The following CTNNA3 variants were observed in gnomAD, a reference collection of about 807,000 sequenced individuals.
CTNNA3 encodes catenin alpha 3.
A neutral mutation model predicts 95.7 loss-of-function variants in CTNNA3; 76 were observed. The observed-to-expected ratio is 0.79, with a 90% CI of 0.66 to 0.96. The LOEUF (loss-of-function observed/expected upper bound fraction) is 0.96. Among genes scored for constraint, CTNNA3 ranks in the 40% least tolerant of loss-of-function variants. The pLI is 0.00. For synonymous variants in CTNNA3, 431 were observed against 374.4 expected, an observed-to-expected ratio of 1.15 and a Z score of -1.74; for missense variants, 1,191 against 1,089.8, an observed-to-expected ratio of 1.09 and a Z score of -1.31.
intron 11 of CTNNA3, among the ~76,000 whole-genome samples, chr10:66,489,483 A>G (rs1481259421): frequency 6.6e-6 from 1 of 152,126 alleles, no homozygotes; most frequent in African/African-American, 2.4e-5. Context: ...AGGGGAGGAA[A>G]TTTAACGCTT....
At chr10:67,726,203 C>A (rs1334942735) in intron 1 of CTNNA3, among the ~76,000 whole-genome samples, 2 of 86,376 alleles carry the variant, frequency 2.3e-5, no homozygotes, top group African/African-American at 4.9e-5. Context: ...TATAATATAT[C>A]ATATATTATA....
intron 1 of CTNNA3, among the ~76,000 whole-genome samples, chr10:67,739,268 C>T (rs564022692): frequency 1.3e-5 from 2 of 152,004 alleles, no homozygotes; most frequent in African/African-American, 2.4e-5. Context: ...AGAGTGGGGG[C>T]CAATATTCAA....
At chr10:66,796,926 C>A (rs1458288772) in intron 7 of CTNNA3, among the ~76,000 whole-genome samples, 1 of 151,962 alleles carries the variant, frequency 6.6e-6, no homozygotes, top group African/African-American at 2.4e-5. Flanking sequence ...ATGTTCTGAG[C>A]TGTGAAGGTT....
In CTNNA3 at chr10:66,013,436, A is replaced by T. The variant is rs2079041042; in HGVS notation, c.2160-24639T>A. ...ACTATGGCAAATTTTTAAATAGTGGATCTTAGAGCATGTGCATGATCTAGA... is the reference window on the plus strand; with the variant it reads ...ACTATGGCAAATTTTTAAATAGTGGTTCTTAGAGCATGTGCATGATCTAGA... On this transcript the variant is annotated intron_variant, in intron 15 of 17. Transcript: ENST00000433211. Among the ~76,000 whole-genome samples, 3 of 152,318 alleles carry T rather than the reference A, an allele frequency of 2.0e-5. No individual in the cohort carries two copies. The South Asian group carries it at 6.2e-4, about 32-fold the overall frequency.
chr10:66,825,726 C>A (rs1374823634), intron 7 of CTNNA3, among the ~76,000 whole-genome samples: 1 of 152,126 alleles, frequency 6.6e-6, no homozygotes, highest in Non-Finnish European at 1.5e-5. Context: ...TACAGGTCAT[C>A]AGAACACTGC....
chr10:67,536,978 A>C (rs1840506021), intron 4 of CTNNA3, among the ~76,000 whole-genome samples: 2 of 152,182 alleles, frequency 1.3e-5, no homozygotes, highest in South Asian at 4.1e-4. Flanking sequence ...ACTTTTCATG[A>C]GGATGAAACC....
At chr10:66,670,855 G>T (rs1846635036) in intron 9 of CTNNA3, among the ~76,000 whole-genome samples, 1 of 152,158 alleles carries the variant, frequency 6.6e-6, no homozygotes, top group Non-Finnish European at 1.5e-5. Context: ...TTGGCAGTTT[G>T]ATTTATATTT....
chr10:66,088,508 TG>T (rs2081075397), intron 14 of CTNNA3, among the ~76,000 whole-genome samples: 1 of 150,934 alleles, frequency 6.6e-6, no homozygotes, highest in African/African-American at 2.4e-5. Context: ...TGTGTGTGTG[TG>T]TGTGTGTGTG....
At chr10:67,208,316 T>A (rs186086239) in intron 6 of CTNNA3, among the ~76,000 whole-genome samples, 1 of 148,662 alleles carries the variant, frequency 6.7e-6, no homozygotes. Context: ...GAGGCAGAGG[T>A]TGCAGTGAGC....
chr10:66,629,183 A>G lies in CTNNA3; in HGVS notation c.1282-7399T>C, dbSNP rs756772065. ...CCCTGAAAATATCCAGTTCAGCCAC[A>G]GAGACAACCATGCTAATCATTCCTA... On this transcript the variant is annotated intron_variant, in intron 9 of 17. Transcript: ENST00000433211. 6.2e-4 allele frequency among the ~76,000 whole-genome samples: 95 copies of G among 152,204 alleles called. 1 individual carries two copies. Among genetic ancestry groups the G allele is most frequent in the Admixed American group, 2.9e-3 (45 of 15,282 alleles).
chr10:66,317,354 TAC>T (rs1178793987), intron 12 of CTNNA3, among the ~76,000 whole-genome samples: 1 of 152,040 alleles, frequency 6.6e-6, no homozygotes. Flanking sequence ...TTGTTTATGA[TAC>T]AGTTTTCGTA....
At chr10:66,970,505 G>T (rs80332308) in intron 7 of CTNNA3, among the ~76,000 whole-genome samples, 1 of 144,636 alleles carries the variant, frequency 6.9e-6, no homozygotes, top group Non-Finnish European at 1.5e-5. Context: ...TCTTGGGTGG[G>T]GGGGGGATAC....
intron 17 of CTNNA3, among the ~76,000 whole-genome samples, chr10:65,947,759 C>T (rs542764627): frequency 3.9e-5 from 6 of 152,328 alleles, no homozygotes; most frequent in African/African-American, 1.4e-4. Context: ...ATAACCTAGC[C>T]TAAATTGCCT....
chr10:67,391,010 C>T (rs1447615679), intron 5 of CTNNA3, among the ~76,000 whole-genome samples: 7 of 152,146 alleles, frequency 4.6e-5, no homozygotes, highest in Admixed American at 1.3e-4. Context: ...CAGGGATGCC[C>T]TCTCTTACCA....
chr10:67,524,395 C>CAAAAAAAAAA (rs200850487), intron 4 of CTNNA3, among the ~76,000 whole-genome samples: 1 of 70,306 alleles, frequency 1.4e-5, no homozygotes, highest in African/African-American at 4.9e-5. Context: ...GACTCTGTCT[C>CAAAAAAAAAA]AAAAAAAAAA....
At chr10:66,248,209 C>T (rs1004662437) in intron 13 of CTNNA3, among the ~76,000 whole-genome samples, 3 of 151,856 alleles carry the variant, frequency 2.0e-5, no homozygotes, top group African/African-American at 7.2e-5. Context: ...ATAGTATTTG[C>T]ATGCTTCATA....
chr10:66,127,323 C>T (rs1047563325), intron 13 of CTNNA3, among the ~76,000 whole-genome samples: 2 of 144,280 alleles, frequency 1.4e-5, no homozygotes, highest in African/African-American at 5.1e-5. Context: ...GTAGATACTA[C>T]AACCTCAGCC....
rs565995248 is a variant in CTNNA3 at position 67,691,653 on chromosome 10, C to A, written c.-6+4347G>T. The stretch of plus-strand genomic sequence containing the variant: ...CTGAGAAGTGAGGAGCCCCTCCGCC[C>A]GGCAGCCGCCCCATCTGAGAAGTGA... On this transcript the variant is annotated intron_variant, in intron 1 of 17. Coordinates refer to ENST00000433211, the MANE Select transcript of CTNNA3 (RefSeq NM_013266.4). Among the ~76,000 whole-genome samples the A allele has an allele frequency of 4.0e-5, 6 of 151,356 alleles. No individual in the cohort carries two copies. In the East Asian group the frequency reaches 7.9e-4, roughly 20 times the overall value.
chr10:66,042,053 T>A (rs1447164380), intron 15 of CTNNA3, among the ~76,000 whole-genome samples: 2 of 152,140 alleles, frequency 1.3e-5, no homozygotes, highest in Admixed American at 6.6e-5. Flanking sequence ...CCTAACTACT[T>A]CTTCATCTCT....
Sources: allele counts gnomAD v4.1 joint callset (sites outside exome capture counted in the v4.1 genomes callset), GRCh38; gene constraint gnomAD v4.1.1; transcripts MANE v1.5; gene names NCBI Gene and HGNC (gene_info 2026-07-23, HGNC 2026-07-21).